UACA: variants seen among roughly 807,000 people sequenced by gnomAD.
UACA encodes uveal autoantigen with coiled-coil domains and ankyrin repeats.
In UACA, 112 loss-of-function variants were observed where a neutral mutation model predicts 160.5. That is an observed-to-expected ratio of 0.70 (90% CI 0.60 to 0.82). The LOEUF is 0.82. Among genes scored for constraint, UACA ranks in the 40% least tolerant of loss-of-function variants. The pLI is 0.00. For missense variants in UACA, 1,574 were observed against 1,614.6 expected (o/e 0.97, Z 0.43); for synonymous variants, 557 against 568.4 (o/e 0.98, Z 0.29).
At position 70,664,703 on chromosome 15, in the gene UACA, T is replaced by C. The variant is rs1393892269; in HGVS notation, c.4072A>G (p.Thr1358Ala). 2 of 1,613,538 alleles carry C rather than the reference T, an allele frequency of 1.2e-6. No individual in the cohort carries two copies. The highest frequency in any genetic ancestry group is 1.7e-6 in the Non-Finnish European group (2 of 1,179,764). The change falls in exon 17 of 19, where the codon ACT (threonine) becomes GCT (alanine). Residue 1358 changes from threonine (T) to alanine (A), a missense_variant. Thr to Ala is a moderately conservative substitution (Grantham distance 58, BLOSUM62 0). Transcript: ENST00000322954. Reference sequence around the variant, plus strand: ...AGAGATTTCACTTGGTGCTGCAGAGTGTCAATCAGCTGGCTCTGCCTCTTG... The same window carrying C: ...AGAGATTTCACTTGGTGCTGCAGAGCGTCAATCAGCTGGCTCTGCCTCTTG... The part of the protein sequence containing the change: ...PTKRQSQLID[T>A]LQHQVKSLEQ...
chr15:70,697,396 T>C (rs1898167755), intron 2 of UACA, among the ~76,000 whole-genome samples: 1 of 152,148 alleles, frequency 6.6e-6, no homozygotes, highest in South Asian at 2.1e-4. Context: ...GTTCTCCAAG[T>C]AGCAATGGAA....
intron 1 of UACA, among the ~76,000 whole-genome samples, chr15:70,760,533 G>A (rs900863344): frequency 1.3e-5 from 2 of 152,078 alleles, no homozygotes; most frequent in African/African-American, 4.8e-5. Flanking sequence ...GACAGGCCAG[G>A]CGCAGTGGCT....
chr15:70,691,383 C>A lies in UACA; in HGVS notation c.302-20G>T. The A allele has an allele frequency of 6.4e-7, 1 of 1,557,500 alleles. No individual in the cohort carries two copies. The highest frequency in any genetic ancestry group is 8.8e-7 in the Non-Finnish European group (1 of 1,137,510). On this transcript the variant is annotated intron_variant, in intron 3 of 18. Transcript: ENST00000322954. ...TTCTCCCTATAAATAATTTAAGATA[C>A]ATGTGAAGGATTATTTTCTTCATAT... is the stretch of plus-strand genomic sequence containing the variant.
intron 1 of UACA, among the ~76,000 whole-genome samples, chr15:70,761,102 G>A (rs1186154187): frequency 1.3e-5 from 2 of 152,074 alleles, no homozygotes; most frequent in Admixed American, 1.3e-4. Context: ...ATATGAATGG[G>A]GAGCCTCTAT....
chr15:70,684,791 A>T (rs1897649931), intron 7 of UACA, among the ~76,000 whole-genome samples: 1 of 152,160 alleles, frequency 6.6e-6, no homozygotes, highest in Non-Finnish European at 1.5e-5. Context: ...TTAAGAAGTC[A>T]TGCCTGTTAC....
chr15:70,770,615 T>G, the UACA span, among the ~76,000 whole-genome samples: 1 of 152,202 alleles, frequency 6.6e-6, no homozygotes, highest in Non-Finnish European at 1.5e-5. Context: ...TTTGCCAGGC[T>G]AGGGAGAAGC....
chr15:70,668,876 T>C lies in UACA; in HGVS notation c.1808A>G (p.Glu603Gly), dbSNP rs1299751588. 3.1e-6 allele frequency: 5 copies of C among 1,613,808 alleles called. No homozygotes were observed. In the South Asian group the frequency reaches 5.5e-5, roughly 18 times the overall value. ...CTCTGTGACCTTTCTTCCTTTCTTC[T>C]CTCGCTCCATTTCACACATACTAAG... ...KELSMCEMEREKKGRKVTEME... is the reference protein window; with the variant it reads ...KELSMCEMERGKKGRKVTEME... The change falls in exon 16 of 19, where the codon GAG becomes GGG. Residue 603 changes from glutamate (E) to glycine (G), a missense_variant. Transcript: ENST00000322954.
At position 70,693,006 on chromosome 15, in the gene UACA, A is replaced by T. The variant is rs573391711; in HGVS notation, c.302-1643T>A. ...AACCACACCCAAACATCCTCTAATT[A>T]CAAGTCAATCAGATGTGATCATTTC... On this transcript the variant is annotated intron_variant, in intron 3 of 18. Coordinates refer to ENST00000322954, the MANE Select transcript of UACA (RefSeq NM_018003.4). Among the ~76,000 whole-genome samples the T allele has an allele frequency of 2.6e-5, 4 of 152,328 alleles. No individual in the cohort carries two copies. In the South Asian group the frequency reaches 8.3e-4, roughly 32 times the overall value.
chr15:70,671,028 AC>A lies in UACA; in HGVS notation c.1221+10del, dbSNP rs1466846410. 4 of 1,513,816 alleles carry A rather than the reference AC, an allele frequency of 2.6e-6. No individual in the cohort carries two copies. Among genetic ancestry groups the A allele is most frequent in the African/African-American group, 2.8e-5 (2 of 70,908 alleles). 93.8% of individuals were successfully genotyped at this position (1,513,816 alleles called of 1,614,324 possible). ...ATGTTTTTTAAAATTAAAAAAAAAAACAGTTATTACCTGTGAGTCTGCCATA... is the reference window on the plus strand; with the variant it reads ...ATGTTTTTTAAAATTAAAAAAAAAAAAGTTATTACCTGTGAGTCTGCCATA... On this transcript the variant is annotated intron_variant, in intron 15 of 18. Transcript: ENST00000322954.
intron 5 of UACA, among the ~76,000 whole-genome samples, chr15:70,688,265 G>T (rs890837333): frequency 1.3e-5 from 2 of 152,024 alleles, no homozygotes; most frequent in Non-Finnish European, 2.9e-5. Flanking sequence ...TAAAAGCAGA[G>T]ATTGCAATGT....
chr15:70,663,771 A>G (rs998524870), intron 17 of UACA, among the ~76,000 whole-genome samples: 2 of 151,310 alleles, frequency 1.3e-5, no homozygotes, highest in Admixed American at 6.6e-5. Context: ...TCGCAACGAC[A>G]AAAAACCAAA....
At chr15:70,705,461 G>C (rs957816707) in intron 1 of UACA, among the ~76,000 whole-genome samples, 1 of 151,968 alleles carries the variant, frequency 6.6e-6, no homozygotes, top group Non-Finnish European at 1.5e-5. Flanking sequence ...GCTTGAACCC[G>C]GCAGGCGGAG....
chr15:70,672,036 T>C (rs1450195807), intron 13 of UACA, 35 bp from the exon 14 acceptor site: 1 of 1,569,300 alleles, frequency 6.4e-7, no homozygotes, highest in Non-Finnish European at 8.6e-7. Context: ...TTAGGGTGAA[T>C]GCTGCCTCAT....
chr15:70,736,445 T>G lies in UACA; in HGVS notation c.78+26885A>C, dbSNP rs571869578. Among the ~76,000 whole-genome samples the G allele has an allele frequency of 9.1e-4, 138 of 152,270 alleles. 1 individual carries two copies. Among genetic ancestry groups the G allele is most frequent in the African/African-American group, 2.5e-3 (103 of 41,552 alleles). On this transcript the variant is annotated intron_variant, in intron 1 of 18. Transcript: ENST00000322954. The stretch of plus-strand genomic sequence containing the variant: ...GCTTAAGTATTCAACATGCTTTTTT[T>G]GGGGGGTGGGATGGAGTCTCACTCT...
chr15:70,703,684 A>T (rs114748233), intron 1 of UACA, among the ~76,000 whole-genome samples: 4,329 of 152,282 alleles, frequency 0.028, 84 homozygotes, highest in Middle Eastern at 0.034. Flanking sequence ...CTAAAGCCAT[A>T]TAAGGAGCGG....
intron 18 of UACA, among the ~76,000 whole-genome samples, chr15:70,659,878 G>A (rs532885624): frequency 3.3e-5 from 5 of 152,084 alleles, no homozygotes; most frequent in East Asian, 3.9e-4. Flanking sequence ...CACCATTAAC[G>A]TGTGCTACCA....
chr15:70,702,077 C>T (rs545426594), intron 1 of UACA: 457 of 1,365,798 alleles, frequency 3.3e-4, no homozygotes, highest in Admixed American at 1.1e-3. Flanking sequence ...ATATTTTCTT[C>T]GTCTTCAGGA....
rs541842827 is a variant in UACA at position 70,670,178 on chromosome 15, G to A, written c.1222-716C>T. 7.2e-4 allele frequency among the ~76,000 whole-genome samples: 109 copies of A among 152,140 alleles called. 1 individual carries two copies. The highest frequency in any genetic ancestry group is 1.2e-3 in the Admixed American group (19 of 15,268). Reference sequence around the variant, plus strand: ...GCTGGGTGAGCAGGCTCAAGCATGCGCACTAAGAGGCAAAATGGTGGATGT... The same window carrying A: ...GCTGGGTGAGCAGGCTCAAGCATGCACACTAAGAGGCAAAATGGTGGATGT... On this transcript the variant is annotated intron_variant, in intron 15 of 18. Transcript: ENST00000322954.
intron 7 of UACA, 70 bp from the exon 8 acceptor site, chr15:70,684,516 T>C: frequency 2.0e-6 from 3 of 1,492,646 alleles, no homozygotes; most frequent in East Asian, 2.3e-5. Flanking sequence ...TATTCTGCCC[T>C]ATTGTTGAAC....
Sources: gnomAD v4.1 joint callset for allele counts (sites outside exome capture counted in the v4.1 genomes callset) on GRCh38, gnomAD v4.1.1 for gene constraint, MANE v1.5 for transcripts, NCBI Gene and HGNC (gene_info 2026-07-23, HGNC 2026-07-21) for gene names.